The following ETFA variants were observed in gnomAD, a reference collection of about 807,000 sequenced individuals.
ETFA encodes electron transfer flavoprotein subunit alpha.
In ETFA, 22 loss-of-function variants were observed where a neutral mutation model predicts 46.2. The ratio of observed to expected loss-of-function variants is 0.48; its 90% CI spans 0.34 to 0.68. The LOEUF (loss-of-function observed/expected upper bound fraction) is 0.68, where lower values mean the gene tolerates loss of function less well. ETFA is among the 30% of genes least tolerant of loss of function. The pLI, the probability that ETFA is intolerant of heterozygous loss-of-function variation, is 0.01. For missense variants in ETFA, 345 were observed against 401.1 expected, an observed-to-expected ratio of 0.86 and a Z score of 1.19; for synonymous variants, 131 against 139.9, an observed-to-expected ratio of 0.94 and a Z score of 0.45.
At chr15:76,310,561 A>G (rs1383986846) in intron 1 of ETFA, among the ~76,000 whole-genome samples, 1 of 152,160 alleles carries the variant, frequency 6.6e-6, no homozygotes, top group East Asian at 1.9e-4. Flanking sequence ...CAGCATGAGA[A>G]GGAAAATATG....
At chr15:76,256,279 A>AAG (rs1261412373) in intron 9 of ETFA, among the ~76,000 whole-genome samples, 1 of 151,808 alleles carries the variant, frequency 6.6e-6, no homozygotes, top group African/African-American at 2.4e-5. Flanking sequence ...AAAAAAAAAA[A>AAG]AAAATATTAA....
intron 4 of ETFA, among the ~76,000 whole-genome samples, chr15:76,291,675 C>T (rs946653844): frequency 6.6e-6 from 1 of 151,840 alleles, no homozygotes; most frequent in African/African-American, 2.4e-5. Context: ...GCGTGAACCC[C>T]GGGGGGCGGA....
intron 11 of ETFA, among the ~76,000 whole-genome samples, chr15:76,222,788 G>A (rs921480524): frequency 1.3e-5 from 2 of 151,890 alleles, no homozygotes; most frequent in African/African-American, 4.8e-5. Flanking sequence ...AGAGGAGTCT[G>A]CCATATGTTT....
At chr15:76,294,481 T>G (rs919098699) in intron 2 of ETFA, among the ~76,000 whole-genome samples, 3 of 152,256 alleles carry the variant, frequency 2.0e-5, no homozygotes, top group African/African-American at 7.2e-5. Context: ...ATCAATTTCA[T>G]GTAAAAAATT....
rs2039002892 is a variant in ETFA at position 76,226,245 on chromosome 15, C to T, written c.883-316G>A. 6.3e-5 allele frequency: 17 copies of T among 271,648 alleles called. No individual in the cohort carries two copies. In the South Asian group the frequency reaches 7.9e-4, roughly 13 times the overall value. 16.8% of individuals were successfully genotyped at this position (271,648 alleles called of 1,614,324 possible). A position where few individuals can be genotyped will look rare whatever the true frequency, so the allele number is the denominator to read the frequency against. On this transcript the variant is annotated intron_variant, in intron 10 of 11. Transcript: ENST00000557943. The stretch of plus-strand genomic sequence containing the variant: ...AACAAATCTATACCCAAATCCACAG[C>T]CTTTGTAGTGCAAATTATTTTGTCC...
chr15:76,217,911 C>T (rs1043824030), intron 11 of ETFA, among the ~76,000 whole-genome samples: 1 of 152,176 alleles, frequency 6.6e-6, no homozygotes, highest in Non-Finnish European at 1.5e-5. Flanking sequence ...TTGTTTCTTC[C>T]GAATGTCACT....
At chr15:76,280,552 C>T (rs1161772150) in intron 8 of ETFA, among the ~76,000 whole-genome samples, 1 of 152,094 alleles carries the variant, frequency 6.6e-6, no homozygotes, top group South Asian at 2.1e-4. Flanking sequence ...ATACTTACCC[C>T]CTACAGCTTA....
chr15:76,217,462 A>G (rs1426401271), intron 11 of ETFA: 3 of 331,130 alleles, frequency 9.1e-6, no homozygotes, highest in East Asian at 8.6e-5. Flanking sequence ...CAATATCATC[A>G]CTCTTTATTA....
rs140121559 is a variant in ETFA at position 76,216,460 on chromosome 15, C to T, written c.*99G>A. The T allele has an allele frequency of 6.7e-4, 496 of 742,318 alleles. 1 individual carries two copies. The African/African-American group carries it at 7.7e-3, about 12-fold the overall frequency. 46.0% of individuals were successfully genotyped at this position (742,318 alleles called of 1,614,324 possible). ...TTTTCCCTCAAATTATGAAATGTAG[C>T]TCTCCATGCTTTCCAATGATTGTTA... On this transcript the variant is annotated 3_prime_UTR_variant, in exon 12 of 12. Transcript: ENST00000557943.
intron 4 of ETFA, 95 bp from the exon 5 acceptor site, chr15:76,288,040 G>A: frequency 1.2e-6 from 1 of 817,658 alleles, no homozygotes; most frequent in South Asian, 1.4e-5. Context: ...ATATTCTGTA[G>A]AAATTTTAAT....
chr15:76,309,099 C>T (rs1165379338), intron 1 of ETFA, among the ~76,000 whole-genome samples: 3 of 152,146 alleles, frequency 2.0e-5, no homozygotes, highest in Non-Finnish European at 4.4e-5. Context: ...GAAGTGTTGC[C>T]ACCATTTCTT....
Position 76,260,076 on chromosome 15 carries a change from A to G in ETFA, c.816+14336T>C, listed in dbSNP as rs901793025. ...TCAGCATCTTCATAGCCACTTTCAC[A>G]AAGGAGCCATCCTCCTGCTTCAGCT... On this transcript the variant is annotated intron_variant, in intron 9 of 11. Transcript: ENST00000557943. The G allele has an allele frequency of 9.3e-6, 14 of 1,501,550 alleles. No homozygotes were observed. In the African/African-American group the frequency reaches 1.9e-4, roughly 21 times the overall value. 93.0% of individuals were successfully genotyped at this position (1,501,550 alleles called of 1,614,324 possible). A position where few individuals can be genotyped will look rare whatever the true frequency, so the allele number is the denominator to read the frequency against.
At chr15:76,231,425 A>C in intron 9 of ETFA, 27 bp from the exon 10 acceptor site, 1 of 1,330,062 alleles carries the variant, frequency 7.5e-7, no homozygotes, top group Non-Finnish European at 1.1e-6. Context: ...CACATTATTA[A>C]TATGTATTTA....
intron 11 of ETFA, among the ~76,000 whole-genome samples, chr15:76,220,089 A>G (rs1039358715): frequency 3.3e-5 from 5 of 152,034 alleles, no homozygotes; most frequent in African/African-American, 1.2e-4. Flanking sequence ...TTTTTCTGAG[A>G]TGGGTTCTCT....
intron 1 of ETFA, among the ~76,000 whole-genome samples, chr15:76,304,799 C>T (rs2039921733): frequency 6.6e-6 from 1 of 152,090 alleles, no homozygotes; most frequent in Admixed American, 6.6e-5. Flanking sequence ...AATCCCAGCA[C>T]TTTGGGAGGC....
chr15:76,250,415 C>A (rs1370275828), intron 9 of ETFA, among the ~76,000 whole-genome samples: 1 of 151,654 alleles, frequency 6.6e-6, no homozygotes, highest in Non-Finnish European at 1.5e-5. Context: ...ATCTGGTATG[C>A]CTCTAAATCA....
intron 4 of ETFA, among the ~76,000 whole-genome samples, chr15:76,291,050 T>C (rs757631213): frequency 6.6e-6 from 1 of 152,100 alleles, no homozygotes; most frequent in Non-Finnish European, 1.5e-5. Context: ...ACTACATCGA[T>C]ACAAAAAATT....
chr15:76,259,686 A>G (rs1422082068), intron 9 of ETFA: 9 of 1,103,214 alleles, frequency 8.2e-6, no homozygotes, highest in Non-Finnish European at 1.3e-5. Flanking sequence ...ATCTTCCAGG[A>G]GAGTCCAAAG....
rs2039110813 is a variant in ETFA, at chr15:76,235,168, T to C, written c.817-3770A>G. On this transcript the variant is annotated intron_variant, in intron 9 of 11. Coordinates refer to ENST00000557943, the MANE Select transcript of ETFA (RefSeq NM_000126.4). ...GAACTCCTGCTTTATAGGGTTACTGTTGAGGCTCGTCCTTAGCATAGTATC... is the reference window on the plus strand; with the variant it reads ...GAACTCCTGCTTTATAGGGTTACTGCTGAGGCTCGTCCTTAGCATAGTATC... Among the ~76,000 whole-genome samples, 5 of 152,220 alleles carry C rather than the reference T, an allele frequency of 3.3e-5. No individual in the cohort carries two copies. The South Asian group carries it at 1.0e-3, about 32-fold the overall frequency.
Sources: gnomAD v4.1 joint callset for allele counts (sites outside exome capture counted in the v4.1 genomes callset) on GRCh38, gnomAD v4.1.1 for gene constraint, MANE v1.5 for transcripts, NCBI Gene and HGNC (gene_info 2026-07-23, HGNC 2026-07-21) for gene names.